Variants in CEBPZOS observed in about 807,000 individuals in gnomAD.
CEBPZOS encodes CEBPZ opposite strand.
Under a neutral mutation model 4.8 loss-of-function variants are expected in CEBPZOS, and 10 were observed. The observed-to-expected ratio is 2.07, with a 90% CI of 1.28 to 3.52. The LOEUF (loss-of-function observed/expected upper bound fraction) is 3.52, where lower values mean the gene tolerates loss of function less well. Among genes scored for constraint, CEBPZOS ranks in the 30% most tolerant of loss-of-function variants. CEBPZOS has a pLI of 0.00. For missense variants in CEBPZOS, 98 were observed against 43.6 expected, an observed-to-expected ratio of 2.25 and a Z score of -3.51; for synonymous variants, 25 against 14.2, an observed-to-expected ratio of 1.77 and a Z score of -1.72.
rs950755913 is a variant in CEBPZOS, at chr2:37,203,841, C to T, written c.*1981C>T. 1.1e-4 allele frequency: 16 copies of T among 152,206 alleles called. No individual in the cohort carries two copies. Among genetic ancestry groups the T allele is most frequent in the Admixed American group, 6.5e-4 (10 of 15,286 alleles). 9.4% of individuals were successfully genotyped at this position (152,206 alleles called of 1,614,324 possible). A position where few individuals can be genotyped will look rare whatever the true frequency, so the allele number is the denominator to read the frequency against. On this transcript the variant is annotated 3_prime_UTR_variant, in exon 5 of 5. Transcript: ENST00000402297. ...ATCTGACTTTTTTCATTTAGCATAA[C>T]GTTTTTGAGGCTCATCCATGTTGTA...
At chr2:37,205,998 T>C (rs933879684), downstream of CEBPZOS, among the ~76,000 whole-genome samples, 2 of 152,198 alleles carry the variant, frequency 1.3e-5, no homozygotes, top group East Asian at 1.9e-4. Context: ...GCTTTTATAA[T>C]TGAATGGTTT....
At chr2:37,211,103 C>A in intron 4 of CEBPZOS, 1 of 1,544,674 alleles carries the variant, frequency 6.5e-7, no homozygotes, top group East Asian at 2.3e-5. Flanking sequence ...AAAAAATTTG[C>A]TAATAAGCAA....
downstream of CEBPZOS, among the ~76,000 whole-genome samples, chr2:37,207,440 T>G (rs560805131): frequency 6.6e-6 from 1 of 152,224 alleles, no homozygotes; most frequent in South Asian, 2.1e-4. Context: ...AAAACTGAAA[T>G]TGTATCAAGT....
rs952981453 is a variant in CEBPZOS at position 37,202,062 on chromosome 2, A to G, written c.*202A>G. ...CTGCTTGTTTGTTGCTTTTCTTCTC[A>G]TATTTATTGTCAAAGATAAATGTTT... is the stretch of plus-strand genomic sequence containing the variant. On this transcript the variant is annotated 3_prime_UTR_variant, in exon 5 of 5. Transcript: ENST00000402297. 6 of 477,264 alleles carry G rather than the reference A, an allele frequency of 1.3e-5. No homozygotes were observed. The highest frequency in any genetic ancestry group is 2.2e-5 in the Non-Finnish European group (6 of 272,522). The allele number at this position is 477,264 out of a possible 1,614,324, so 29.6% of individuals were successfully genotyped here. A position where few individuals can be genotyped will look rare whatever the true frequency, so the allele number is the denominator to read the frequency against.
chr2:37,204,014 G>A lies in CEBPZOS; in HGVS notation c.*2154G>A, dbSNP rs1677417679. On this transcript the variant is annotated 3_prime_UTR_variant, in exon 5 of 5. Coordinates refer to ENST00000402297, the MANE Select transcript of CEBPZOS (RefSeq NM_001322374.2). ...CAATCATGTACAAGTCTTTGTATCA[G>A]AGCCACTTTTGATAAAATAGTTTCT... 4 of 152,118 alleles carry A rather than the reference G, an allele frequency of 2.6e-5. No homozygotes were observed. The highest frequency in any genetic ancestry group is 4.1e-4 in the South Asian group (2 of 4,824). The allele number at this position is 152,118 out of a possible 1,614,324, so 9.4% of individuals were successfully genotyped here.
In CEBPZOS at chr2:37,212,160, C is replaced by G. The variant is rs1315307513; in HGVS notation, c.*3-1277C>G. ...GAAGGAGAAAGCTTTGCAGACTGCT[C>G]AGAGTAAATAATAACGTGCTTTATA... On this transcript the variant is annotated intron_variant, in intron 4 of 4. Transcript: ENST00000397064. The G allele has an allele frequency of 1.9e-5, 19 of 1,006,970 alleles. 1 individual carries two copies. The highest frequency in any genetic ancestry group is 1.0e-4 in the Admixed American group (4 of 38,690). 62.4% of individuals were successfully genotyped at this position (1,006,970 alleles called of 1,614,324 possible).
At position 37,202,173 on chromosome 2, in the gene CEBPZOS, C is replaced by CA. The variant is rs1677280106; in HGVS notation, c.*314dup. 1 of 245,772 alleles carries CA rather than the reference C, an allele frequency of 4.1e-6. No homozygotes were observed. The highest frequency in any genetic ancestry group is 5.4e-5 in the Admixed American group (1 of 18,548). 15.2% of individuals were successfully genotyped at this position (245,772 alleles called of 1,614,324 possible). Reference sequence around the variant, plus strand: ...GCACTTTTACTGGTGAAATAAAAACCAGTAACAATCAATATGTAAAAACGG... The same window carrying CA: ...GCACTTTTACTGGTGAAATAAAAACCAAGTAACAATCAATATGTAAAAACGG... On this transcript the variant is annotated 3_prime_UTR_variant, in exon 5 of 5. Transcript: ENST00000402297.
At chr2:37,207,508 AACTATATACAAAT>A, downstream of CEBPZOS, among the ~76,000 whole-genome samples, 2 of 152,324 alleles carry the variant, frequency 1.3e-5, no homozygotes, top group Middle Eastern at 6.8e-3. Context: ...GAACCCTCAA[AACTATATACAAAT>A]ACATGGAAAT....
At position 37,196,519 on chromosome 2, in the gene CEBPZOS, A is replaced by T. The variant is rs909171935; in HGVS notation, c.-3A>T. The T allele has an allele frequency of 6.6e-6, 1 of 152,226 alleles. No individual in the cohort carries two copies. Among genetic ancestry groups the T allele is most frequent in the African/African-American group, 2.4e-5 (1 of 41,450 alleles). 9.4% of individuals were successfully genotyped at this position (152,226 alleles called of 1,614,324 possible). ...GCGCAGTCCCCCTTGAACGCACCTC[A>T]GGTAAGACTCTGGCGAGTGGCTTCC... is the stretch of plus-strand genomic sequence containing the variant. On this transcript the variant is annotated splice_region_variant and 5_prime_UTR_variant, in exon 1 of 5. Transcript: ENST00000402297.
chr2:37,206,478 C>T (rs1334077541), downstream of CEBPZOS, among the ~76,000 whole-genome samples: 1 of 152,222 alleles, frequency 6.6e-6, no homozygotes, highest in Admixed American at 6.5e-5. Flanking sequence ...GTACCTCAGC[C>T]TCCTCAGTAG....
downstream of CEBPZOS, chr2:37,214,977 T>C (rs1558472576): frequency 2.1e-6 from 3 of 1,410,242 alleles, no homozygotes; most frequent in African/African-American, 1.4e-5. Flanking sequence ...TTAAACATTT[T>C]AACTTCATAT....
At chr2:37,216,012 A>G (rs988809123), downstream of CEBPZOS, 1 of 687,114 alleles carries the variant, frequency 1.5e-6, no homozygotes, top group African/African-American at 1.9e-5. Flanking sequence ...TATTCTTGGG[A>G]AAAAAGATGG....
chr2:37,197,238 CT>C (rs1676988157), intron 1 of CEBPZOS: 1 of 152,294 alleles, frequency 6.6e-6, no homozygotes, highest in African/African-American at 2.4e-5. Context: ...AACCTCACTT[CT>C]TTGTGGGTGG....
intron 1 of CEBPZOS, among the ~76,000 whole-genome samples, chr2:37,197,593 C>T (rs1457630436): frequency 1.3e-5 from 2 of 152,144 alleles, no homozygotes; most frequent in African/African-American, 4.8e-5. Context: ...CCCAAGAGGC[C>T]GGGCGTGGCG....
downstream of CEBPZOS, chr2:37,214,078 A>G: frequency 4.1e-6 from 2 of 492,448 alleles, no homozygotes; most frequent in Middle Eastern, 5.3e-4. Flanking sequence ...AGTATACTCA[A>G]TTGGAAATAA....
downstream of CEBPZOS, among the ~76,000 whole-genome samples, chr2:37,214,553 G>T (rs138469360): frequency 6.6e-6 from 1 of 151,994 alleles, no homozygotes; most frequent in Non-Finnish European, 1.5e-5. Context: ...ATTCCAAAAA[G>T]AAGCATAAAA....
chr2:37,199,624 G>T, intron 1 of CEBPZOS, 80 bp from the exon 2 acceptor site: 1 of 669,876 alleles, frequency 1.5e-6, no homozygotes, highest in South Asian at 1.6e-5. Flanking sequence ...CTGTGGGAAT[G>T]AATTTGAGTT....
At position 37,203,010 on chromosome 2, in the gene CEBPZOS, T is replaced by A. The variant is rs751416463; in HGVS notation, c.*1150T>A. The A allele has an allele frequency of 2.0e-6, 3 of 1,527,752 alleles. No individual in the cohort carries two copies. Among genetic ancestry groups the A allele is most frequent in the African/African-American group, 2.8e-5 (2 of 70,982 alleles). The allele number at this position is 1,527,752 out of a possible 1,614,324, so 94.6% of individuals were successfully genotyped here. ...AGTTTCTTTTCTTTTTTCTTGGCCC[T>A]AAAAAAAATTGTAAGTCTACATTAT... On this transcript the variant is annotated 3_prime_UTR_variant, in exon 5 of 5. Coordinates refer to ENST00000402297, the MANE Select transcript of CEBPZOS (RefSeq NM_001322374.2).
At chr2:37,214,817 G>C, downstream of CEBPZOS, 2 of 924,946 alleles carry the variant, frequency 2.2e-6, no homozygotes, top group Non-Finnish European at 3.5e-6. Context: ...ATAAAATGAA[G>C]CATTTTATGA....
Sources: gnomAD v4.1 joint callset for allele counts (sites outside exome capture counted in the v4.1 genomes callset) on GRCh38, gnomAD v4.1.1 for gene constraint, MANE v1.5 for transcripts, NCBI Gene and HGNC (gene_info 2026-07-23, HGNC 2026-07-21) for gene names.